BMPR1A: variants seen among roughly 807,000 people sequenced by gnomAD.
BMPR1A encodes the protein bone morphogenetic protein receptor type-1A.
A neutral mutation model predicts 66.0 loss-of-function variants in BMPR1A; 7 were observed. The ratio of observed to expected loss-of-function variants is 0.11; its 90% CI spans 0.06 to 0.20. The LOEUF is 0.20. Ranked by LOEUF, BMPR1A falls within the 10% of genes least tolerant of loss-of-function variation. The probability of loss-of-function intolerance (pLI) is 1.00; values close to 1 mark genes in which losing one functional copy is unlikely to be tolerated. For synonymous variants in BMPR1A, 200 were observed against 229.7 expected (o/e 0.87, Z 1.17); for missense variants, 408 against 669.1 (o/e 0.61, Z 4.31).
At chr10:86,824,384 G>A (rs1842164578) in intron 1 of BMPR1A, among the ~76,000 whole-genome samples, 2 of 151,926 alleles carry the variant, frequency 1.3e-5, no homozygotes, top group South Asian at 4.1e-4. Context: ...CCTCCCTTAG[G>A]CATGTGACTC....
At chr10:86,787,484 T>C (rs1277565666) in intron 1 of BMPR1A, among the ~76,000 whole-genome samples, 8 of 152,326 alleles carry the variant, frequency 5.3e-5, no homozygotes, top group Admixed American at 4.6e-4. Flanking sequence ...AATCATCACA[T>C]GCACAAATGC....
chr10:86,899,877 C>G lies in BMPR1A; in HGVS notation c.417C>G (p.Pro139=). The G allele has an allele frequency of 6.2e-7, 1 of 1,614,050 alleles. No individual in the cohort carries two copies. The highest frequency in any genetic ancestry group is 8.5e-7 in the Non-Finnish European group (1 of 1,179,936). The part of the protein sequence containing the change: ...LCNQYLQPTL[P]PVVIGPFFDG... ...ACCAGTATTTGCAACCCACACTGCC[C>G]CCTGTTGTCATAGGTAGGTTAGCCG... is the stretch of plus-strand genomic sequence containing the variant. Residue 139 remains proline, a synonymous_variant, in exon 6 of 13, where the codon CCC becomes CCG. Transcript: ENST00000372037.
chr10:86,855,596 A>G (rs142683249), intron 2 of BMPR1A: 10 of 585,804 alleles, frequency 1.7e-5, no homozygotes, highest in Middle Eastern at 4.0e-4. Flanking sequence ...GTACTATTTG[A>G]AGAACTCTTG....
At chr10:86,850,173 T>G (rs1215868150) in intron 2 of BMPR1A, among the ~76,000 whole-genome samples, 3 of 151,900 alleles carry the variant, frequency 2.0e-5, no homozygotes, top group African/African-American at 7.3e-5. Context: ...ATACAAAAAT[T>G]AGCCAGGCAT....
intron 5 of BMPR1A, 140 bp downstream of exon 5, chr10:86,892,369 C>T (rs573388569): frequency 1.5e-6 from 1 of 673,582 alleles, no homozygotes; most frequent in Admixed American, 2.4e-5. Context: ...TACCTACTGT[C>T]TAGATTCTGT....
intron 2 of BMPR1A, among the ~76,000 whole-genome samples, chr10:86,863,678 A>C (rs759064341): frequency 2.6e-5 from 4 of 152,062 alleles, no homozygotes; most frequent in Non-Finnish European, 5.9e-5. Flanking sequence ...TGCCTTATTC[A>C]TATTGAGTCT....
At chr10:86,880,195 T>G (rs541365033) in intron 3 of BMPR1A, among the ~76,000 whole-genome samples, 1 of 152,334 alleles carries the variant, frequency 6.6e-6, no homozygotes, top group Non-Finnish European at 1.5e-5. Context: ...ACATTCTGTT[T>G]GCTCTGATCT....
At chr10:86,774,822 A>C (rs142377420) in intron 1 of BMPR1A, among the ~76,000 whole-genome samples, 6 of 152,266 alleles carry the variant, frequency 3.9e-5, no homozygotes, top group African/African-American at 1.2e-4. Flanking sequence ...GAGGAAAACA[A>C]TACAACCATC....
At chr10:86,773,053 T>C (rs1181914002) in intron 1 of BMPR1A, among the ~76,000 whole-genome samples, 1 of 152,054 alleles carries the variant, frequency 6.6e-6, no homozygotes, top group Non-Finnish European at 1.5e-5. Context: ...TATAAGGAAC[T>C]TGAAATTTGT....
At chr10:86,804,492 C>G (rs1841858096) in intron 1 of BMPR1A, among the ~76,000 whole-genome samples, 1 of 152,168 alleles carries the variant, frequency 6.6e-6, no homozygotes, top group Non-Finnish European at 1.5e-5. Flanking sequence ...CTAGGCCTCC[C>G]AAAGTGCTGG....
intron 2 of BMPR1A, among the ~76,000 whole-genome samples, chr10:86,847,758 C>T (rs1192395804): frequency 7.2e-5 from 11 of 151,806 alleles, no homozygotes; most frequent in Non-Finnish European, 2.9e-5. Context: ...ACACTATGCA[C>T]CAAAGCCTTT....
chr10:86,890,693 C>A (rs2133400016), intron 4 of BMPR1A, among the ~76,000 whole-genome samples: 1 of 152,182 alleles, frequency 6.6e-6, no homozygotes, highest in East Asian at 1.9e-4. Context: ...CTCAGCCTCC[C>A]AAAGTGCTGG....
At chr10:86,773,798 A>G (rs1261826560) in intron 1 of BMPR1A, among the ~76,000 whole-genome samples, 1 of 151,954 alleles carries the variant, frequency 6.6e-6, no homozygotes, top group Admixed American at 6.6e-5. Flanking sequence ...TAGACTAAGC[A>G]TATATTCTTA....
intron 1 of BMPR1A, among the ~76,000 whole-genome samples, chr10:86,802,232 C>T (rs1841822419): frequency 1.3e-5 from 2 of 152,134 alleles, no homozygotes; most frequent in African/African-American, 2.4e-5. Flanking sequence ...TGGTGAGGGA[C>T]GCTCCAGATC....
chr10:86,841,036 C>T (rs1352409067), intron 2 of BMPR1A, among the ~76,000 whole-genome samples: 1 of 152,114 alleles, frequency 6.6e-6, no homozygotes, highest in South Asian at 2.1e-4. Flanking sequence ...CTTGTATTGT[C>T]GGTGACACTT....
At chr10:86,782,664 C>T (rs1377184961) in intron 1 of BMPR1A, among the ~76,000 whole-genome samples, 1 of 151,756 alleles carries the variant, frequency 6.6e-6, no homozygotes, top group African/African-American at 2.4e-5. Context: ...AATGTCTATT[C>T]AAGTCCTTAG....
chr10:86,910,488 C>T (rs368450183), intron 7 of BMPR1A, among the ~76,000 whole-genome samples: 69 of 152,262 alleles, frequency 4.5e-4, no homozygotes, highest in African/African-American at 1.6e-3. Flanking sequence ...AGATGCAGAA[C>T]GGCATCAGTG....
At chr10:86,906,366 ATC>A (rs1716523715) in intron 7 of BMPR1A, among the ~76,000 whole-genome samples, 1 of 152,064 alleles carries the variant, frequency 6.6e-6, no homozygotes, top group African/African-American at 2.4e-5. Flanking sequence ...AGCTTAGTGA[ATC>A]TATGGTTTGC....
At chr10:86,812,518 C>T (rs1407912366) in intron 1 of BMPR1A, among the ~76,000 whole-genome samples, 2 of 152,168 alleles carry the variant, frequency 1.3e-5, no homozygotes, top group African/African-American at 4.8e-5. Context: ...TTACATTTCA[C>T]CAGCTAAGTA....
Sources: allele counts gnomAD v4.1 joint callset (sites outside exome capture counted in the v4.1 genomes callset), GRCh38; gene constraint gnomAD v4.1.1; transcripts MANE v1.5; gene names NCBI Gene and HGNC (gene_info 2026-07-23, HGNC 2026-07-21).